Variants in EHMT2 observed in about 807,000 individuals in gnomAD.
EHMT2 encodes euchromatic histone lysine methyltransferase 2.
Under a neutral mutation model 143.3 loss-of-function variants are expected in EHMT2, and 59 were observed. That is an observed-to-expected ratio of 0.41 (90% confidence interval 0.33 to 0.51). The LOEUF is 0.51. Among genes scored for constraint, EHMT2 ranks in the 20% least tolerant of loss-of-function variants. The probability of loss-of-function intolerance (pLI) is 0.18; values close to 1 mark genes in which losing one functional copy is unlikely to be tolerated. For missense variants in EHMT2, 1,174 were observed against 1,645.9 expected, an observed-to-expected ratio of 0.71 and a Z score of 4.96; for synonymous variants, 604 against 651.5, an observed-to-expected ratio of 0.93 and a Z score of 1.11.
At chr6:31,896,546 A>G in intron 3 of EHMT2, 30 bp from the exon 4 acceptor site, 2 of 1,609,550 alleles carry the variant, frequency 1.2e-6, no homozygotes, top group Non-Finnish European at 1.7e-6. Context: ...AAGGCAAGAT[A>G]AGAAAGAAGG....
In EHMT2 at chr6:31,883,635, T is replaced by G. The variant is rs1381222401; in HGVS notation, c.2916+171A>C. On this transcript the variant is annotated intron_variant, in intron 22 of 27. Transcript: ENST00000375537. The surrounding 1 kb of genome is among the most constrained non-coding windows in gnomAD (Gnocchi z 5.6). ...GCTACTGGGAGCTCATATGATACCT[T>G]GCTGTGACCTAGGAAAAGGATCCCT... 3 of 1,093,298 alleles carry G rather than the reference T, an allele frequency of 2.7e-6. No individual in the cohort carries two copies. The highest frequency in any genetic ancestry group is 4.0e-6 in the Non-Finnish European group (3 of 744,030). 67.7% of individuals were successfully genotyped at this position (1,093,298 alleles called of 1,614,324 possible).
At chr6:31,897,081 C>T (rs1766615794) in intron 1 of EHMT2, 92 bp from the exon 2 acceptor site, 5 of 1,486,582 alleles carry the variant, frequency 3.4e-6, no homozygotes, top group East Asian at 4.9e-5. Context: ...AGAGAGTAGG[C>T]TCCGGGGCCT....
chr6:31,897,639 G>A (rs1213275207), exon 1 of EHMT2: 90 of 1,155,428 alleles, frequency 7.8e-5, no homozygotes, highest in Non-Finnish European at 9.5e-5. Flanking sequence ...TCCGCACCTC[G>A]GCGGCCGCCG....
chr6:31,896,729 A>G, exon 3 of EHMT2: 1 of 1,612,824 alleles, frequency 6.2e-7, no homozygotes, highest in Non-Finnish European at 8.5e-7. Flanking sequence ...ACAGTGACAG[A>G]GGCTGGAGAT....
chr6:31,892,977 A>G, intron 4 of EHMT2, 67 bp from the exon 5 acceptor site: 3 of 1,111,376 alleles, frequency 2.7e-6, no homozygotes, highest in Middle Eastern at 2.2e-4. Flanking sequence ...GTTAGCCTGG[A>G]GCCCCAGGCG....
At chr6:31,895,166 C>T (rs1334605166) in intron 4 of EHMT2, among the ~76,000 whole-genome samples, 4 of 152,196 alleles carry the variant, frequency 2.6e-5, no homozygotes, top group African/African-American at 7.2e-5. Context: ...CAGCATGGAA[C>T]GGTTAGGGCC....
chr6:31,887,243 C>A (rs980138904), intron 15 of EHMT2, 142 bp from the exon 16 acceptor site: 1 of 690,382 alleles, frequency 1.4e-6, no homozygotes, highest in Non-Finnish European at 2.5e-6. Context: ...AGCTTGCCTC[C>A]ACCACAGCAT....
At position 31,881,201 on chromosome 6, in the gene EHMT2, G is replaced by A; in HGVS notation, c.3198-109C>T. ...GTGGAATCTGGAATGGGCAGGGCTG[G>A]CAGGTGTGGGGAAGGGAAGGCCTGG... On this transcript the variant is annotated intron_variant, in intron 25 of 27. Coordinates refer to ENST00000375537, the Ensembl canonical transcript of EHMT2. This position sits in a 1 kb window ranked among gnomAD's most constrained non-coding sequence, Gnocchi z 4.8. The A allele has an allele frequency of 1.0e-6, 1 of 970,980 alleles. No homozygotes were observed. The highest frequency in any genetic ancestry group is 1.6e-6 in the Non-Finnish European group (1 of 609,432). The allele number at this position is 970,980 out of a possible 1,614,324, so 60.1% of individuals were successfully genotyped here. A position where few individuals can be genotyped will look rare whatever the true frequency, so the allele number is the denominator to read the frequency against.
chr6:31,893,974 T>A (rs1437014117), intron 4 of EHMT2, among the ~76,000 whole-genome samples: 3 of 152,088 alleles, frequency 2.0e-5, no homozygotes, highest in Non-Finnish European at 1.5e-5. Flanking sequence ...AAATGTTTTT[T>A]ATTTTATTTT....
intron 15 of EHMT2, 151 bp downstream of exon 15, chr6:31,887,426 G>A (rs1765016324): frequency 7.1e-6 from 5 of 704,236 alleles, no homozygotes; most frequent in East Asian, 2.7e-5. Flanking sequence ...CATCCCCATC[G>A]TTATGGGTTA....
intron 4 of EHMT2, chr6:31,895,887 C>T: frequency 5.0e-6 from 1 of 201,876 alleles, no homozygotes; most frequent in South Asian, 1.7e-4. Flanking sequence ...GCCCTCATCT[C>T]CTTTCCCACT....
At chr6:31,896,928 T>C (rs1245643133) in exon 2 of EHMT2, 1 of 1,600,074 alleles carries the variant, frequency 6.2e-7, no homozygotes, top group East Asian at 2.2e-5. Flanking sequence ...CTCACCTCTC[T>C]CGGTGGCTCC....
chr6:31,887,697 C>A (rs761083136), intron 14 of EHMT2, 38 bp from the exon 15 acceptor site: 1 of 1,610,578 alleles, frequency 6.2e-7, no homozygotes, highest in South Asian at 1.1e-5. Flanking sequence ...AGAAGGGGAG[C>A]TCCTCAGATT....
rs1382769117 is a variant in EHMT2 at position 31,889,182 on chromosome 6, C to T, written c.1114+46G>A. 2 of 1,562,646 alleles carry T rather than the reference C, an allele frequency of 1.3e-6. No homozygotes were observed. The highest frequency in any genetic ancestry group is 1.7e-6 in the Non-Finnish European group (2 of 1,152,158). ...GTGTGCGTGCACACACTCTGGGGGG[C>T]CGGGCGGGGGCTGGAGGGCACCCAA... is the stretch of plus-strand genomic sequence containing the variant. On this transcript the variant is annotated intron_variant, in intron 9 of 27. Coordinates refer to ENST00000375537, the Ensembl canonical transcript of EHMT2. The surrounding 1 kb of genome is among the most constrained non-coding windows in gnomAD (Gnocchi z 5.1).
Position 31,888,998 on chromosome 6 carries a change from C to A in EHMT2, c.1187G>T (p.Ser396Ile). Residue 396 changes from serine to isoleucine, a missense_variant, in exon 10 of 28, where the codon AGC becomes ATC. Physicochemically the swap from Ser to Ile is moderately radical, Grantham distance 142. This residue lies in a region of EHMT2 where 608 missense variants were observed against 903.7 expected (regional missense o/e 0.67). Transcript: ENST00000375537. This position sits in a 1 kb window ranked among gnomAD's most constrained non-coding sequence, Gnocchi z 7.4. ...GTGGTTGGGGGAGAGGGTCCCCTCG[C>A]TGGGCAGCTCCAGGGACCCCAGAGG... is the stretch of plus-strand genomic sequence containing the variant. 1 of 1,600,098 alleles carries A rather than the reference C, an allele frequency of 6.2e-7. No homozygotes were observed.
chr6:31,897,310 G>A, intron 1 of EHMT2: 1 of 575,284 alleles, frequency 1.7e-6, no homozygotes, highest in East Asian at 3.6e-5. Flanking sequence ...CCCAGGCCGC[G>A]GGGACCCCGG....
chr6:31,894,704 C>G (rs1157541465), intron 4 of EHMT2, among the ~76,000 whole-genome samples: 1 of 152,288 alleles, frequency 6.6e-6, no homozygotes, highest in African/African-American at 2.4e-5. Flanking sequence ...CTCTGTTGCC[C>G]AGGCTGAACC....
intron 25 of EHMT2, 91 bp downstream of exon 25, chr6:31,882,608 T>A: frequency 7.9e-7 from 1 of 1,262,972 alleles, no homozygotes; most frequent in South Asian, 1.3e-5. Flanking sequence ...ATGTGACTCA[T>A]CAGGGCAGAT....
Position 31,888,376 on chromosome 6 carries a change from T to C in EHMT2, c.1496A>G (p.Tyr499Cys), listed in dbSNP as rs1431884303. Residue 499 changes from tyrosine (Y) to cysteine (C), a missense_variant, in exon 12 of 28, where the codon TAC (tyrosine) becomes TGC (cysteine). Tyr to Cys is a radical substitution (Grantham distance 194). Around this residue, in one of 6 missense-constraint regions of EHMT2, gnomAD observed 608 missense variants for 903.7 expected, o/e 0.67. Coordinates refer to ENST00000375537, the Ensembl canonical transcript of EHMT2. The surrounding 1 kb of genome is among the most constrained non-coding windows in gnomAD (Gnocchi z 7.4). Reference sequence around the variant, plus strand: ...CTGGTCACTCACCGCCGTGCAGAAGTAGCCGCAGCCCGGGCAGCAGTGGTG... The same window carrying C: ...CTGGTCACTCACCGCCGTGCAGAAGCAGCCGCAGCCCGGGCAGCAGTGGTG... 6.2e-6 allele frequency: 10 copies of C among 1,612,620 alleles called. No homozygotes were observed. The highest frequency in any genetic ancestry group is 7.6e-6 in the Non-Finnish European group (9 of 1,179,892).
Sources: gnomAD v4.1 joint callset for allele counts (sites outside exome capture counted in the v4.1 genomes callset) on GRCh38, gnomAD v4.1.1 for gene constraint, gnomAD v4.1.1 regional missense constraint, Gnocchi (gnomAD v3.1) non-coding constraint, MANE v1.5 for transcripts, NCBI Gene and HGNC (gene_info 2026-07-23, HGNC 2026-07-21) for gene names.